Variants in CARF observed in about 807,000 individuals in gnomAD.
The protein encoded by CARF is calcium responsive transcription factor, also known as calcium-responsive transcription factor.
CARF carries 57 observed loss-of-function variants against 82.0 expected under a neutral mutation model. The observed-to-expected ratio is 0.70, with a 90% CI of 0.56 to 0.87. The LOEUF (loss-of-function observed/expected upper bound fraction) is 0.87. Ranked by LOEUF, CARF falls within the 40% of genes least tolerant of loss-of-function variation. The pLI, the probability that CARF is intolerant of heterozygous loss-of-function variation, is 0.00. For missense variants in CARF, 771 were observed against 855.8 expected (o/e 0.90, Z 1.24); for synonymous variants, 268 against 290.1 (o/e 0.92, Z 0.77).
At chr2:202,938,666 T>G (rs961990829) in intron 3 of CARF, among the ~76,000 whole-genome samples, 2 of 151,948 alleles carry the variant, frequency 1.3e-5, no homozygotes, top group South Asian at 4.1e-4. Flanking sequence ...TTTGTTTTTT[T>G]TTTGTTTTTG....
chr2:202,971,936 T>C (rs1308988227), intron 12 of CARF, among the ~76,000 whole-genome samples, 198 bp downstream of exon 12: 1 of 152,156 alleles, frequency 6.6e-6, no homozygotes, highest in Non-Finnish European at 1.5e-5. Context: ...TGGTGTAATA[T>C]GGTTTATTAT....
chr2:202,986,906 A>ATATACATATATATATATATATACG lies in CARF; in HGVS notation c.*3284_*3285insTACATATATATATATATATACGTA, dbSNP rs2060470140. The ATATACATATATATATATATATACG allele has an allele frequency of 1.4e-5, 2 of 138,988 alleles. No individual in the cohort carries two copies. The highest frequency in any genetic ancestry group is 2.7e-5 in the African/African-American group (1 of 37,604). The allele number at this position is 138,988 out of a possible 1,614,324, so 8.6% of individuals were successfully genotyped here. On this transcript the variant is annotated 3_prime_UTR_variant, in exon 17 of 17. Coordinates refer to ENST00000438828, the MANE Select transcript of CARF (RefSeq NM_024744.17). ...TATATATATATATATATATATATAT[A>ATATACATATATATATATATATACG]TAGCAACTTGATGTATAGTGTCCTT...
Position 202,917,937 on chromosome 2 carries a change from T to C in CARF, c.-269T>C, listed in dbSNP as rs1294322551. ...CACATAAATGAAGCTACAGCTATCA[T>C]GATTTAGTGCCCCCAAAAGGAAGAA... On this transcript the variant is annotated 5_prime_UTR_variant, in exon 2 of 17. It removes an upstream start codon present in the reference 5' UTR. Coordinates refer to ENST00000438828, the MANE Select transcript of CARF (RefSeq NM_024744.17). The C allele has an allele frequency of 2.6e-6, 1 of 389,602 alleles. No individual in the cohort carries two copies. The highest frequency in any genetic ancestry group is 3.5e-5 in the Admixed American group (1 of 28,586). 24.1% of individuals were successfully genotyped at this position (389,602 alleles called of 1,614,324 possible). A position where few individuals can be genotyped will look rare whatever the true frequency, so the allele number is the denominator to read the frequency against.
intron 3 of CARF, among the ~76,000 whole-genome samples, chr2:202,937,894 G>A (rs181571374): frequency 6.6e-6 from 1 of 151,446 alleles, no homozygotes; most frequent in East Asian, 1.9e-4. Context: ...CAAAGTGCAG[G>A]GATTATAGGT....
chr2:202,914,896 T>C (rs1689322863), intron 1 of CARF, among the ~76,000 whole-genome samples: 1 of 151,830 alleles, frequency 6.6e-6, no homozygotes, highest in African/African-American at 2.4e-5. Flanking sequence ...ATAAATAAAA[T>C]TGACATTGTG....
intron 11 of CARF, among the ~76,000 whole-genome samples, chr2:202,970,874 TC>T (rs944285286): frequency 2.0e-5 from 3 of 151,746 alleles, no homozygotes; most frequent in African/African-American, 7.3e-5. Flanking sequence ...TTTTTTTTTT[TC>T]ATGGCTCTCC....
At chr2:202,936,288 G>A (rs1693929975) in intron 3 of CARF, among the ~76,000 whole-genome samples, 2 of 151,748 alleles carry the variant, frequency 1.3e-5, no homozygotes. Context: ...TTTTAATTGA[G>A]GTGAAATTCA....
At chr2:202,975,447 A>G (rs1022036340) in intron 13 of CARF, among the ~76,000 whole-genome samples, 1 of 151,870 alleles carries the variant, frequency 6.6e-6, no homozygotes, top group African/African-American at 2.4e-5. Context: ...CCGTCTAAAA[A>G]AAGAAAAAAA....
Position 202,954,152 on chromosome 2 carries a change from A to G in CARF, c.557+18A>G. On this transcript the variant is annotated intron_variant, in intron 7 of 16. Coordinates refer to ENST00000438828, the MANE Select transcript of CARF (RefSeq NM_024744.17). ...GTGACCGGGTGAGTCCACGGGAAAG[A>G]GAAGCTCATCTTTTAATATCACCAT... The G allele has an allele frequency of 6.3e-7, 1 of 1,598,880 alleles. No homozygotes were observed. Among genetic ancestry groups the G allele is most frequent in the Non-Finnish European group, 8.5e-7 (1 of 1,175,582 alleles).
In CARF at chr2:202,941,850, ACT is replaced by A. The variant is rs2058244520; in HGVS notation, c.-43-7_-43-6del. On this transcript the variant is annotated splice_region_variant and splice_polypyrimidine_tract_variant and intron_variant, in intron 3 of 16. Transcript: ENST00000438828. ...GTGCTTTAGTTGATCAGCTATTTAA[ACT>A]CTTTCAGCTATTAAATAATAGAAGA... The A allele has an allele frequency of 2.1e-6, 3 of 1,414,164 alleles. No individual in the cohort carries two copies. The highest frequency in any genetic ancestry group is 1.2e-5 in the South Asian group (1 of 85,684). 87.6% of individuals were successfully genotyped at this position (1,414,164 alleles called of 1,614,324 possible). A position where few individuals can be genotyped will look rare whatever the true frequency, so the allele number is the denominator to read the frequency against.
In CARF at chr2:202,940,734, A is replaced by G. The variant is rs1040846257; in HGVS notation, c.-43-1126A>G. ...TCCCAACTTCAGTTTCTTAGCCACA[A>G]AACTAATGTATTAGAACTACCCTTG... On this transcript the variant is annotated intron_variant, in intron 3 of 16. Transcript: ENST00000438828. Among the ~76,000 whole-genome samples the G allele has an allele frequency of 7.2e-5, 11 of 152,118 alleles. No homozygotes were observed. In the South Asian group the frequency reaches 1.2e-3, roughly 17 times the overall value.
chr2:202,927,156 CT>C (rs1438471374), intron 3 of CARF, among the ~76,000 whole-genome samples: 10 of 152,056 alleles, frequency 6.6e-5, no homozygotes, highest in Admixed American at 6.6e-4. Flanking sequence ...GAGGCCTGTC[CT>C]TCCCTTTCTC....
At position 202,961,009 on chromosome 2, in the gene CARF, A is replaced by G. The variant is rs535764753; in HGVS notation, c.643-228A>G. Among the ~76,000 whole-genome samples the G allele has an allele frequency of 2.0e-5, 3 of 152,298 alleles. No individual in the cohort carries two copies. The South Asian group carries it at 6.2e-4, about 32-fold the overall frequency. On this transcript the variant is annotated intron_variant, in intron 8 of 16. Transcript: ENST00000438828. ...CTAAATATTCTTTGTCTCAAACAAGACGTTGATAAAGATAGTATGGCAATG... is the reference window on the plus strand; with the variant it reads ...CTAAATATTCTTTGTCTCAAACAAGGCGTTGATAAAGATAGTATGGCAATG...
intron 8 of CARF, 140 bp from the exon 9 acceptor site, chr2:202,961,097 A>G (rs2059302274): frequency 1.5e-6 from 1 of 677,568 alleles, no homozygotes. Flanking sequence ...ACTGATTGTA[A>G]TAGACCATTG....
intron 6 of CARF, among the ~76,000 whole-genome samples, chr2:202,953,082 T>A (rs2058831167): frequency 6.6e-6 from 1 of 152,108 alleles, no homozygotes; most frequent in Non-Finnish European, 1.5e-5. Context: ...ATTGGTGGCA[T>A]GATCTCGGCT....
At chr2:202,916,015 C>G (rs968029748) in intron 1 of CARF, among the ~76,000 whole-genome samples, 3 of 151,878 alleles carry the variant, frequency 2.0e-5, no homozygotes, top group Non-Finnish European at 4.4e-5. Flanking sequence ...ATAAATTATC[C>G]TATTAAAATA....
rs1419923375 is a variant in CARF, at chr2:202,987,995, C to T, written c.*4371C>T. On this transcript the variant is annotated 3_prime_UTR_variant, in exon 17 of 17. Transcript: ENST00000438828. ...TCTTACTTAATCCTCCTTGCCACCC[C>T]ACCATCACCAGACCACTGATCTGCT... is the stretch of plus-strand genomic sequence containing the variant. Among the ~76,000 whole-genome samples the T allele has an allele frequency of 1.3e-5, 2 of 152,178 alleles. No individual in the cohort carries two copies. Among genetic ancestry groups the T allele is most frequent in the African/African-American group, 4.8e-5 (2 of 41,452 alleles).
At chr2:202,917,722 G>A (rs1348005685) in intron 1 of CARF, among the ~76,000 whole-genome samples, 155 bp from the exon 2 acceptor site, 1 of 152,170 alleles carries the variant, frequency 6.6e-6, no homozygotes, top group Admixed American at 6.5e-5. Flanking sequence ...TGTAAAGTCA[G>A]TCCTCATCTT....
chr2:202,924,541 A>C (rs984133973), intron 3 of CARF, 126 bp downstream of exon 3: 1 of 152,168 alleles, frequency 6.6e-6, no homozygotes, highest in African/African-American at 2.4e-5. Flanking sequence ...TACCACCTAG[A>C]AATAGCTTCT....
Sources: gnomAD v4.1 joint callset for allele counts (sites outside exome capture counted in the v4.1 genomes callset) on GRCh38, gnomAD v4.1.1 for gene constraint, MANE v1.5 for transcripts, NCBI Gene and HGNC (gene_info 2026-07-23, HGNC 2026-07-21) for gene names.